The following KCNK10 variants were observed in gnomAD, a reference collection of about 807,000 sequenced individuals.
KCNK10 encodes the protein potassium two pore domain channel subfamily K member 10.
Under a neutral mutation model 47.7 loss-of-function variants are expected in KCNK10, and 25 were observed. The observed-to-expected ratio is 0.52, with a 90% CI of 0.38 to 0.73. The LOEUF is 0.73. Among genes scored for constraint, KCNK10 ranks in the 30% least tolerant of loss-of-function variants. KCNK10 has a pLI of 0.00. For synonymous variants in KCNK10, 303 were observed against 285.6 expected, an observed-to-expected ratio of 1.06 and a Z score of -0.61; for missense variants, 563 against 714.5, an observed-to-expected ratio of 0.79 and a Z score of 2.42.
At chr14:88,310,155 C>CTCATATACCATA (rs1888284008) in intron 1 of KCNK10, among the ~76,000 whole-genome samples, 1 of 23,994 alleles carries the variant, frequency 4.2e-5, no homozygotes, top group Non-Finnish European at 8.0e-5. Context: ...CCATATCTCT[C>CTCATATACCATA]TCATATACCA....
chr14:88,294,428 A>G (rs2139784126), intron 1 of KCNK10, among the ~76,000 whole-genome samples: 1 of 152,330 alleles, frequency 6.6e-6, no homozygotes, highest in South Asian at 2.1e-4. Context: ...GAAATGAAGA[A>G]CTATGCAGTC....
chr14:88,286,920 A>G (rs1887776052), intron 1 of KCNK10, among the ~76,000 whole-genome samples: 1 of 152,198 alleles, frequency 6.6e-6, no homozygotes, highest in Non-Finnish European at 1.5e-5. Context: ...CTACTCTTCC[A>G]TCTATTGAGG....
intron 1 of KCNK10, among the ~76,000 whole-genome samples, chr14:88,288,502 A>G (rs1226097021): frequency 6.6e-6 from 1 of 152,044 alleles, no homozygotes. Context: ...CACTTCTTTC[A>G]TTCCCACCTC....
intron 3 of KCNK10, among the ~76,000 whole-genome samples, chr14:88,229,220 C>T (rs1218639134): frequency 2.6e-5 from 4 of 152,130 alleles, no homozygotes; most frequent in Non-Finnish European, 5.9e-5. Flanking sequence ...CTCATTAATC[C>T]TGACAAGTGC....
intron 1 of KCNK10, among the ~76,000 whole-genome samples, chr14:88,275,176 T>A (rs1887500770): frequency 6.6e-6 from 1 of 151,864 alleles, no homozygotes; most frequent in Non-Finnish European, 1.5e-5. Context: ...AACATCAGGG[T>A]CACATTGTCC....
intron 1 of KCNK10, among the ~76,000 whole-genome samples, chr14:88,269,152 C>A (rs540820222): frequency 3.7e-4 from 57 of 152,268 alleles, no homozygotes; most frequent in Non-Finnish European, 3.5e-4. Flanking sequence ...AAAAAGAATA[C>A]GGCACATATT....
At chr14:88,198,135 C>T (rs917565348) in intron 4 of KCNK10, among the ~76,000 whole-genome samples, 1 of 152,184 alleles carries the variant, frequency 6.6e-6, no homozygotes, top group Admixed American at 6.5e-5. Flanking sequence ...AGCATGCCAA[C>T]TGTAATGGAC....
At chr14:88,248,935 C>T (rs991577563) in intron 2 of KCNK10, among the ~76,000 whole-genome samples, 1 of 152,120 alleles carries the variant, frequency 6.6e-6, no homozygotes, top group Non-Finnish European at 1.5e-5. Flanking sequence ...CCTTATTATC[C>T]TATTTAGTCC....
At chr14:88,275,693 CAAAAA>C (rs71126972) in intron 1 of KCNK10, among the ~76,000 whole-genome samples, 8 of 71,972 alleles carry the variant, frequency 1.1e-4, no homozygotes, top group African/African-American at 3.7e-4. Context: ...GCTAAAAATA[CAAAAA>C]AAAAAAAAAA....
chr14:88,281,106 C>G (rs1887641101), intron 1 of KCNK10, among the ~76,000 whole-genome samples: 1 of 152,156 alleles, frequency 6.6e-6, no homozygotes, highest in Non-Finnish European at 1.5e-5. Context: ...TTTCATCTCA[C>G]AACATGCCCC....
chr14:88,243,336 G>T (rs1886534414), intron 2 of KCNK10, among the ~76,000 whole-genome samples: 1 of 152,144 alleles, frequency 6.6e-6, no homozygotes, highest in Non-Finnish European at 1.5e-5. Context: ...TTAGAGATGG[G>T]GAAACAGGCT....
chr14:88,237,504 T>C lies in KCNK10; in HGVS notation c.520+3199A>G, dbSNP rs570556286. ...CTCAGACTCATCAGAGGAATCATTATGTATGGCAGCTACAGCCTTATGAAA... is the reference window on the plus strand; with the variant it reads ...CTCAGACTCATCAGAGGAATCATTACGTATGGCAGCTACAGCCTTATGAAA... On this transcript the variant is annotated intron_variant, in intron 3 of 6. Coordinates refer to ENST00000319231, the MANE Select transcript of KCNK10 (RefSeq NM_138317.3). Among the ~76,000 whole-genome samples the C allele has an allele frequency of 1.3e-3, 197 of 152,358 alleles. 1 individual carries two copies. The highest frequency in any genetic ancestry group is 4.6e-3 in the African/African-American group (191 of 41,584).
intron 1 of KCNK10, among the ~76,000 whole-genome samples, chr14:88,297,332 C>T (rs1202753960): frequency 1.3e-5 from 2 of 152,158 alleles, no homozygotes; most frequent in African/African-American, 2.4e-5. Flanking sequence ...ACATTTGTTG[C>T]CACTAGGTTG....
At chr14:88,292,485 G>A (rs1243150222) in intron 1 of KCNK10, among the ~76,000 whole-genome samples, 1 of 151,986 alleles carries the variant, frequency 6.6e-6, no homozygotes, top group East Asian at 1.9e-4. Context: ...GAGTATCTGG[G>A]ATTATAGGCA....
intron 2 of KCNK10, among the ~76,000 whole-genome samples, chr14:88,243,060 G>A (rs1007503121): frequency 6.6e-6 from 1 of 152,166 alleles, no homozygotes; most frequent in African/African-American, 2.4e-5. Context: ...TGGGGACGAT[G>A]ATTTGTTTCA....
At chr14:88,204,315 C>T (rs528371091) in intron 4 of KCNK10, among the ~76,000 whole-genome samples, 1 of 152,292 alleles carries the variant, frequency 6.6e-6, no homozygotes, top group East Asian at 1.9e-4. Context: ...AGTGACAACC[C>T]TTCCTTGGAG....
intron 4 of KCNK10, among the ~76,000 whole-genome samples, chr14:88,201,126 T>G (rs145583724): frequency 1.4e-3 from 208 of 152,314 alleles, no homozygotes; most frequent in African/African-American, 4.9e-3. Context: ...TGTTTTCTAC[T>G]CCTGACAAAG....
chr14:88,310,939 C>T (rs1888316109), intron 1 of KCNK10, among the ~76,000 whole-genome samples: 2 of 152,080 alleles, frequency 1.3e-5, no homozygotes, highest in Admixed American at 6.5e-5. Context: ...ATTGATTCAT[C>T]GACTCTAGAT....
intron 4 of KCNK10, among the ~76,000 whole-genome samples, chr14:88,211,036 G>A (rs1359268580): frequency 6.6e-6 from 1 of 152,044 alleles, no homozygotes; most frequent in East Asian, 1.9e-4. Context: ...ACAGGGACTT[G>A]AATAGATGTT....
Sources: gnomAD v4.1 joint callset for allele counts (sites outside exome capture counted in the v4.1 genomes callset) on GRCh38, gnomAD v4.1.1 for gene constraint, MANE v1.5 for transcripts, NCBI Gene and HGNC (gene_info 2026-07-23, HGNC 2026-07-21) for gene names.